The following NECTIN3 variants were observed in gnomAD, a reference collection of about 807,000 sequenced individuals.
NECTIN3 encodes the protein nectin-3.
In NECTIN3, 8 loss-of-function variants were observed where a neutral mutation model predicts 49.4. The observed-to-expected ratio is 0.16, with a 90% CI of 0.10 to 0.29. The LOEUF (loss-of-function observed/expected upper bound fraction) is 0.29. NECTIN3 is among the 10% of genes least tolerant of loss of function. The pLI is 1.00. For missense variants in NECTIN3, 581 were observed against 654.6 expected (o/e 0.89, Z 1.23); for synonymous variants, 277 against 241.1 (o/e 1.15, Z -1.38).
rs1271999736 is a variant in NECTIN3, at chr3:111,072,172, T to C, written c.155T>C (p.Leu52Pro). The C allele has an allele frequency of 8.4e-6, 13 of 1,554,770 alleles. No homozygotes were observed. Among genetic ancestry groups the C allele is most frequent in the Admixed American group, 3.8e-5 (2 of 52,286 alleles). The change falls in exon 1 of 6, where the codon CTC becomes CCC. Residue 52 changes from leucine to proline, a missense_variant. By Grantham distance (98) the Leu-to-Pro change is moderately conservative. Coordinates refer to ENST00000485303, the MANE Select transcript of NECTIN3 (RefSeq NM_015480.3). ...TTCCCGCTGCTGCTCTTCTCCAGGCTCTGTGGTAGGTGAACCTCGGCGGCC... is the reference window on the plus strand; with the variant it reads ...TTCCCGCTGCTGCTCTTCTCCAGGCCCTGTGGTAGGTGAACCTCGGCGGCC... ...LLFPLLLFSR[L>P]CGALAGPIIV...
Position 111,134,152 on chromosome 3 carries a change from C to G in NECTIN3, c.1587C>G (p.Asn529Lys). The change falls in exon 6 of 6, where the codon AAC becomes AAG. Residue 529 changes from asparagine to lysine, a missense_variant. Coordinates refer to ENST00000485303, the MANE Select transcript of NECTIN3 (RefSeq NM_015480.3). ...KFVSDEHYDE[N>K]EDDLVSHVDG... The stretch of plus-strand genomic sequence containing the variant: ...TCAGTGATGAACATTATGATGAAAA[C>G]GAAGATGACTTAGTTTCACATGTAG... 1 of 1,612,096 alleles carries G rather than the reference C, an allele frequency of 6.2e-7. No homozygotes were observed. The highest frequency in any genetic ancestry group is 8.5e-7 in the Non-Finnish European group (1 of 1,179,108).
chr3:111,088,346 A>G (rs2032055049), intron 1 of NECTIN3, among the ~76,000 whole-genome samples: 1 of 152,088 alleles, frequency 6.6e-6, no homozygotes. Context: ...AGATACCCAG[A>G]CCTAAACTTT....
intron 7 of NECTIN3, among the ~76,000 whole-genome samples, chr3:111,160,889 C>G (rs995747264): frequency 6.6e-6 from 1 of 152,102 alleles, no homozygotes; most frequent in East Asian, 1.9e-4. Flanking sequence ...CAGCTGTAGT[C>G]CCAGCTACTT....
At chr3:111,179,262 A>T (rs941596682) in intron 7 of NECTIN3, among the ~76,000 whole-genome samples, 4 of 152,114 alleles carry the variant, frequency 2.6e-5, no homozygotes, top group Admixed American at 2.6e-4. Flanking sequence ...CTCCCTTCCC[A>T]TGAACCATCT....
chr3:111,193,423 T>C lies in NECTIN3; in HGVS notation c.63+1010T>C, dbSNP rs576942987. The stretch of plus-strand genomic sequence containing the variant: ...GGGCGTTCTAACAAATGTTTATTCT[T>C]AGATTGGGGAGAGAAGCTAAGGCCA... On this transcript the variant is annotated intron_variant, in intron 1 of 1. Transcript: ENST00000485506. The C allele has an allele frequency of 2.8e-5, 42 of 1,506,328 alleles. 1 individual carries two copies. In the East Asian group the frequency reaches 1.0e-3, roughly 37 times the overall value. 93.3% of individuals were successfully genotyped at this position (1,506,328 alleles called of 1,614,324 possible).
Position 111,071,825 on chromosome 3 carries a change from A to G in NECTIN3, c.-193A>G, listed in dbSNP as rs2030745821. On this transcript the variant is annotated 5_prime_UTR_variant, in exon 1 of 6. Coordinates refer to ENST00000485303, the MANE Select transcript of NECTIN3 (RefSeq NM_015480.3). ...GGGCGGCTCCCGCTTCAGCCTCGGC[A>G]GTGGCGTCGGCGACGGCGGTGTCGA... 5.5e-6 allele frequency: 2 copies of G among 366,796 alleles called. No homozygotes were observed. The highest frequency in any genetic ancestry group is 1.2e-4 in the South Asian group (1 of 8,530). 22.7% of individuals were successfully genotyped at this position (366,796 alleles called of 1,614,324 possible). A position where few individuals can be genotyped will look rare whatever the true frequency, so the allele number is the denominator to read the frequency against.
chr3:111,166,533 A>T lies in NECTIN3; in HGVS notation c.1221+19049A>T, dbSNP rs146049178. ...GGACCCTGAGTTTAGGGAAATAGTT[A>T]AGACTAGGAAATCAGCCCAAGATAA... On this transcript the variant is annotated intron_variant, in intron 7 of 8. Coordinates refer to the NECTIN3 transcript ENST00000493615. Among the ~76,000 whole-genome samples the T allele has an allele frequency of 9.5e-4, 145 of 152,338 alleles. 1 individual carries two copies. Among genetic ancestry groups the T allele is most frequent in the Admixed American group, 4.7e-3 (72 of 15,304 alleles).
upstream of NECTIN3, among the ~76,000 whole-genome samples, chr3:111,189,524 G>T (rs1387455376): frequency 6.6e-6 from 1 of 152,192 alleles, no homozygotes; most frequent in African/African-American, 2.4e-5. Flanking sequence ...CCTTTACAGA[G>T]AAGCTTCTGA....
chr3:111,157,615 A>G (rs865912205), intron 7 of NECTIN3, among the ~76,000 whole-genome samples: 4 of 152,116 alleles, frequency 2.6e-5, no homozygotes, highest in African/African-American at 7.2e-5. Flanking sequence ...TGTAAAGATG[A>G]TGTTTCCAAT....
At chr3:111,102,408 C>T (rs1382707720) in intron 1 of NECTIN3, among the ~76,000 whole-genome samples, 2 of 152,172 alleles carry the variant, frequency 1.3e-5, no homozygotes, top group East Asian at 3.9e-4. Flanking sequence ...TCTTGACCAA[C>T]TTAAAATTCA....
At chr3:111,094,045 T>C (rs528387946) in intron 1 of NECTIN3, among the ~76,000 whole-genome samples, 80 of 151,868 alleles carry the variant, frequency 5.3e-4, no homozygotes, top group African/African-American at 1.8e-3. Context: ...TTAAAAGATA[T>C]TATGATTTTA....
chr3:111,164,534 T>G (rs1157313917), intron 7 of NECTIN3, among the ~76,000 whole-genome samples: 4 of 152,162 alleles, frequency 2.6e-5, no homozygotes, highest in Non-Finnish European at 5.9e-5. Context: ...CAACAGAAAT[T>G]TATTGTCTCA....
chr3:111,093,430 T>TG (rs1280597656), intron 1 of NECTIN3, among the ~76,000 whole-genome samples: 2 of 150,818 alleles, frequency 1.3e-5, no homozygotes, highest in Non-Finnish European at 3.0e-5. Flanking sequence ...TGTTGGGTTT[T>TG]TTTTTTTTTT....
At chr3:111,161,478 C>T (rs1489533827) in intron 7 of NECTIN3, among the ~76,000 whole-genome samples, 1 of 152,136 alleles carries the variant, frequency 6.6e-6, no homozygotes, top group Non-Finnish European at 1.5e-5. Context: ...ACCCCCACGT[C>T]ACAGACCAGT....
At chr3:111,148,553 A>G (rs867048319) in intron 7 of NECTIN3, among the ~76,000 whole-genome samples, 3 of 151,938 alleles carry the variant, frequency 2.0e-5, no homozygotes, top group Middle Eastern at 3.2e-3. Context: ...CTGTTGTTGT[A>G]TTTTGTTTTG....
At chr3:111,183,572 C>T (rs1165474942) in intron 7 of NECTIN3, among the ~76,000 whole-genome samples, 1 of 152,156 alleles carries the variant, frequency 6.6e-6, no homozygotes, top group Non-Finnish European at 1.5e-5. Flanking sequence ...CCTCAGCCTC[C>T]CAAAGTGCTG....
chr3:111,081,821 A>G (rs372055915), intron 1 of NECTIN3, among the ~76,000 whole-genome samples: 8 of 152,310 alleles, frequency 5.3e-5, no homozygotes, highest in Admixed American at 2.0e-4. Flanking sequence ...ATGTGACTCA[A>G]GCATGAACTT....
intron 7 of NECTIN3, among the ~76,000 whole-genome samples, chr3:111,152,512 A>T (rs897162069): frequency 2.0e-5 from 3 of 151,692 alleles, no homozygotes; most frequent in Non-Finnish European, 4.4e-5. Context: ...TTAAAAAGCC[A>T]TTTTTTCCTG....
chr3:111,114,208 A>G (rs1450338822), intron 2 of NECTIN3, among the ~76,000 whole-genome samples: 1 of 151,972 alleles, frequency 6.6e-6, no homozygotes, highest in Non-Finnish European at 1.5e-5. Context: ...CTTTTTTCAA[A>G]AACCCAAGTC....
Sources: gnomAD v4.1 joint callset for allele counts (sites outside exome capture counted in the v4.1 genomes callset) on GRCh38, gnomAD v4.1.1 for gene constraint, MANE v1.5 for transcripts, NCBI Gene and HGNC (gene_info 2026-07-23, HGNC 2026-07-21) for gene names.